The following UQCC6 variants were observed in gnomAD, a reference collection of about 807,000 sequenced individuals.
UQCC6 encodes protein BRAWNIN.
chr12:103,951,278 G>A, the UQCC6 span: 194,900 of 339,562 alleles, frequency 0.57, 58,793 homozygotes, highest in East Asian at 0.99. Flanking sequence ...TCTATTTCGC[G>A]TTATATTCAA....
the UQCC6 span, chr12:103,953,658 G>C: frequency 2.9e-6 from 2 of 681,754 alleles, no homozygotes; most frequent in African/African-American, 3.5e-5. Flanking sequence ...CAGCCACCTG[G>C]GCCTTCAAGT....
At chr12:103,956,304 G>A in the UQCC6 span, 1 of 220,082 alleles carries the variant, frequency 4.5e-6, no homozygotes, top group South Asian at 8.2e-5. Context: ...ATGAGTTGGA[G>A]AAACAGCAAG....
the UQCC6 span, among the ~76,000 whole-genome samples, chr12:103,960,018 G>A: frequency 5.3e-5 from 8 of 151,738 alleles, no homozygotes; most frequent in East Asian, 2.0e-4. Flanking sequence ...CAGGTGATCC[G>A]CCTGCCTCGG....
At chr12:103,953,796 G>GCTAATTA in the UQCC6 span, among the ~76,000 whole-genome samples, 1 of 152,178 alleles carries the variant, frequency 6.6e-6, no homozygotes, top group Non-Finnish European at 1.5e-5. Context: ...GGTAGCTGCT[G>GCTAATTA]TAACAACCCT....
At chr12:103,954,840 A>G in the UQCC6 span, 16 of 665,010 alleles carry the variant, frequency 2.4e-5, no homozygotes, top group Non-Finnish European at 3.5e-5. Context: ...AGAGTATTGG[A>G]TTATTTTATG....
the UQCC6 span, among the ~76,000 whole-genome samples, chr12:103,964,904 A>G: frequency 6.6e-6 from 1 of 152,212 alleles, no homozygotes; most frequent in Non-Finnish European, 1.5e-5. Flanking sequence ...ATCTTTCTGT[A>G]TTTACTCACG....
the UQCC6 span, among the ~76,000 whole-genome samples, chr12:103,954,364 G>A: frequency 1.3e-5 from 2 of 152,182 alleles, no homozygotes; most frequent in African/African-American, 4.8e-5. Flanking sequence ...GGCTGTACAA[G>A]CATGGCACCA....
the UQCC6 span, among the ~76,000 whole-genome samples, chr12:103,957,959 T>C: frequency 1.4e-5 from 2 of 145,408 alleles, no homozygotes; most frequent in South Asian, 2.1e-4. Flanking sequence ...ATATTTTTAA[T>C]ATATATTATA....
the UQCC6 span, chr12:103,954,691 A>G: frequency 3.7e-5 from 17 of 455,818 alleles, no homozygotes; most frequent in Non-Finnish European, 6.2e-5. Context: ...ATTCAACAAC[A>G]GTGAGAAGTA....
chr12:103,955,840 C>CT, the UQCC6 span: 2 of 453,114 alleles, frequency 4.4e-6, no homozygotes, highest in African/African-American at 4.0e-5. Flanking sequence ...CCCCAAGACT[C>CT]TAATTCCTGA....
At chr12:103,955,102 G>T in the UQCC6 span, 1 of 582,020 alleles carries the variant, frequency 1.7e-6, no homozygotes, top group Non-Finnish European at 3.1e-6. Flanking sequence ...ATCACTTGAG[G>T]CCAGGAGTTC....
At chr12:103,957,905 A>AAT in the UQCC6 span, among the ~76,000 whole-genome samples, 2 of 143,692 alleles carry the variant, frequency 1.4e-5, no homozygotes, top group Non-Finnish European at 3.0e-5. Flanking sequence ...ATATATATAT[A>AAT]ATATATATTT....
the UQCC6 span, chr12:103,956,720 T>C: frequency 1.3e-6 from 2 of 1,551,538 alleles, no homozygotes; most frequent in African/African-American, 1.4e-5. Flanking sequence ...TAGGTGGACA[T>C]GGGCACGCCC....
chr12:103,963,904 T>A, the UQCC6 span, among the ~76,000 whole-genome samples: 9,271 of 151,996 alleles, frequency 0.061, 507 homozygotes, highest in East Asian at 0.15. Context: ...TTTTTTTTTT[T>A]ATAGATGTCA....
At chr12:103,956,529 G>C in the UQCC6 span, 2 of 763,910 alleles carry the variant, frequency 2.6e-6, no homozygotes, top group Non-Finnish European at 4.5e-6. Context: ...AGTGGTCCAG[G>C]AGCATCTGCA....
chr12:103,953,870 G>A, the UQCC6 span, among the ~76,000 whole-genome samples: 1 of 152,196 alleles, frequency 6.6e-6, no homozygotes, highest in South Asian at 2.1e-4. Flanking sequence ...TCAAATCCCA[G>A]GCATTCCTTC....
chr12:103,956,553 A>G, the UQCC6 span: 1 of 960,824 alleles, frequency 1.0e-6, no homozygotes, highest in Non-Finnish European at 1.6e-6. Context: ...CTATAAAGGA[A>G]TGCCTAAGGC....
the UQCC6 span, chr12:103,957,028 C>T: frequency 2.4e-6 from 1 of 425,238 alleles, no homozygotes. Context: ...GATCAGCAAG[C>T]GGAAAACCGA....
At chr12:103,958,806 C>T in the UQCC6 span, among the ~76,000 whole-genome samples, 1 of 152,196 alleles carries the variant, frequency 6.6e-6, no homozygotes, top group East Asian at 1.9e-4. Flanking sequence ...TAATCTGAGT[C>T]ACATACGGTT....
Sources: allele counts gnomAD v4.1 joint callset (sites outside exome capture counted in the v4.1 genomes callset), GRCh38; gene constraint gnomAD v4.1.1; transcripts MANE v1.5; gene names NCBI Gene and HGNC (gene_info 2026-07-23, HGNC 2026-07-21).